CASP6: variants seen among roughly 807,000 people sequenced by gnomAD.
CASP6 encodes caspase 6, also known as caspase-6.
A neutral mutation model predicts 31.8 loss-of-function variants in CASP6; 20 were observed. That is an observed-to-expected ratio of 0.63 (90% confidence interval 0.44 to 0.91). The LOEUF (loss-of-function observed/expected upper bound fraction) is 0.91, where lower values mean the gene tolerates loss of function less well. CASP6 is among the 40% of genes least tolerant of loss of function. The probability of loss-of-function intolerance (pLI) is 0.00; values close to 1 mark genes in which losing one functional copy is unlikely to be tolerated. For missense variants in CASP6, 328 were observed against 361.1 expected (o/e 0.91, Z 0.74); for synonymous variants, 130 against 127.8 (o/e 1.02, Z -0.12).
upstream of CASP6, among the ~76,000 whole-genome samples, chr4:109,704,349 A>G (rs1296997707): frequency 1.3e-5 from 2 of 152,260 alleles, no homozygotes; most frequent in Non-Finnish European, 2.9e-5. Context: ...AAAAATTTTG[A>G]AGGAAATTAA....
At chr4:109,678,010 G>A in the CASP6 span, among the ~76,000 whole-genome samples, 1 of 151,634 alleles carries the variant, frequency 6.6e-6, no homozygotes, top group African/African-American at 2.4e-5. Flanking sequence ...TTAGGGAGTG[G>A]TGATGACTCT....
At position 109,688,718 on chromosome 4, in the gene CASP6, G is replaced by T. The variant is rs973037356; in HGVS notation, c.*612C>A. 1 of 152,064 alleles carries T rather than the reference G, an allele frequency of 6.6e-6. No individual in the cohort carries two copies. Among genetic ancestry groups the T allele is most frequent in the African/African-American group, 2.4e-5 (1 of 41,406 alleles). The allele number at this position is 152,064 out of a possible 1,614,324, so 9.4% of individuals were successfully genotyped here. A position where few individuals can be genotyped will look rare whatever the true frequency, so the allele number is the denominator to read the frequency against. On this transcript the variant is annotated 3_prime_UTR_variant, in exon 7 of 7. Transcript: ENST00000265164. Reference sequence around the variant, plus strand: ...AAACAATAAACTTTTATAAAAAAGTGACAAAATACAAGTTAAATCAGCTAG... The same window carrying T: ...AAACAATAAACTTTTATAAAAAAGTTACAAAATACAAGTTAAATCAGCTAG...
At chr4:109,681,292 C>T in the CASP6 span, 6 of 276,816 alleles carry the variant, frequency 2.2e-5, no homozygotes, top group African/African-American at 1.1e-4. Flanking sequence ...TCTCTGGGGT[C>T]AGCAAATTGT....
intron 1 of CASP6, among the ~76,000 whole-genome samples, chr4:109,699,407 C>CA (rs111848498): frequency 5.5e-4 from 84 of 151,792 alleles, no homozygotes; most frequent in African/African-American, 1.6e-3. Flanking sequence ...CACTTCTCCT[C>CA]AAAAAAAATA....
At chr4:109,696,729 C>CA (rs1482902684) in intron 3 of CASP6, among the ~76,000 whole-genome samples, 4 of 150,256 alleles carry the variant, frequency 2.7e-5, no homozygotes, top group Non-Finnish European at 5.9e-5. Context: ...AGTACAAATG[C>CA]AAAAGCCTGT....
At chr4:109,670,444 G>A in the CASP6 span, among the ~76,000 whole-genome samples, 4 of 152,148 alleles carry the variant, frequency 2.6e-5, no homozygotes, top group African/African-American at 9.7e-5. Context: ...TTGGCCAGGC[G>A]CAGTGGTTCA....
intron 2 of CASP6, among the ~76,000 whole-genome samples, 156 bp downstream of exon 2, chr4:109,698,144 C>A (rs1020348013): frequency 1.3e-5 from 2 of 152,186 alleles, no homozygotes; most frequent in African/African-American, 4.8e-5. Context: ...AGGGGCAGCA[C>A]AACCTGCCTA....
the CASP6 span, among the ~76,000 whole-genome samples, chr4:109,668,097 G>A: frequency 6.6e-6 from 1 of 152,174 alleles, no homozygotes; most frequent in East Asian, 1.9e-4. Context: ...GTGAACTTGA[G>A]AATGTGTATT....
At chr4:109,669,387 T>C in the CASP6 span, among the ~76,000 whole-genome samples, 57 of 151,590 alleles carry the variant, frequency 3.8e-4, no homozygotes, top group East Asian at 0.01. Context: ...GTTTAATTTC[T>C]TTTTTTTTCT....
Position 109,690,236 on chromosome 4 carries a change from T to TA in CASP6, c.643+613dup, listed in dbSNP as rs751729227. On this transcript the variant is annotated intron_variant, in intron 6 of 6. Coordinates refer to ENST00000265164, the MANE Select transcript of CASP6 (RefSeq NM_001226.4). ...ACGTCTGGGCAACAGAGTGAGACTA[T>TA]AAAAAAAAAAAACGCACGCACGCAC... Among the ~76,000 whole-genome samples the TA allele has an allele frequency of 2.1e-3, 97 of 46,354 alleles. 1 individual carries two copies. Among genetic ancestry groups the TA allele is most frequent in the South Asian group, 0.011 (13 of 1,166 alleles). 30.4% of individuals were successfully genotyped at this position (46,354 alleles called of 152,430 possible).
In CASP6 at chr4:109,703,359, C is replaced by T; in HGVS notation, c.37G>A (p.Ala13Thr). Residue 13 changes from alanine to threonine, a missense_variant, in exon 1 of 7, where the codon GCA (alanine) becomes ACA (threonine). Transcript: ENST00000265164. ...CCAGTCGACGCCCCCTGCCTACCTG[C>T]CGGGTGCCCCCTGCGGAGCCCCGAG... ...SASGLRRGHP[A>T]GGEENMTETD... is the part of the protein sequence containing the mutation. The T allele has an allele frequency of 1.9e-6, 3 of 1,610,212 alleles. No individual in the cohort carries two copies. Among genetic ancestry groups the T allele is most frequent in the Non-Finnish European group, 2.5e-6 (3 of 1,178,640 alleles).
Position 109,689,249 on chromosome 4 carries a change from G to A in CASP6, c.*81C>T, listed in dbSNP as rs972040586. On this transcript the variant is annotated 3_prime_UTR_variant, in exon 7 of 7. Transcript: ENST00000265164. ...GCCCACCTTGGACTCCCAAAGTGCTGGGATTACAGGTGTGAGTAACCACGC... is the reference window on the plus strand; with the variant it reads ...GCCCACCTTGGACTCCCAAAGTGCTAGGATTACAGGTGTGAGTAACCACGC... 3 of 1,335,564 alleles carry A rather than the reference G, an allele frequency of 2.2e-6. No homozygotes were observed. Among genetic ancestry groups the A allele is most frequent in the Admixed American group, 1.8e-5 (1 of 55,878 alleles). 82.7% of individuals were successfully genotyped at this position (1,335,564 alleles called of 1,614,324 possible).
At chr4:109,706,129 TTTTATATATATATATATATATA>T (rs748451649), upstream of CASP6, among the ~76,000 whole-genome samples, 34 of 56,086 alleles carry the variant, frequency 6.1e-4, no homozygotes, top group Middle Eastern at 0.01. Context: ...TACCTATCCA[TTTTATATATATATATATATATA>T]TATATATATA....
chr4:109,697,505 G>A, intron 3 of CASP6, 117 bp downstream of exon 3: 1 of 1,161,366 alleles, frequency 8.6e-7, no homozygotes, highest in East Asian at 2.6e-5. Flanking sequence ...TGCCTTAAGT[G>A]ATCCTCCCAC....
At chr4:109,695,614 G>A (rs1449592211) in intron 4 of CASP6, among the ~76,000 whole-genome samples, 1 of 151,956 alleles carries the variant, frequency 6.6e-6, no homozygotes, top group Non-Finnish European at 1.5e-5. Context: ...AAATTAGCTG[G>A]GCATGGGGGC....
upstream of CASP6, among the ~76,000 whole-genome samples, chr4:109,708,098 C>T (rs1003418340): frequency 6.6e-6 from 1 of 152,132 alleles, no homozygotes; most frequent in African/African-American, 2.4e-5. Flanking sequence ...AGGAACTCAT[C>T]TCATACTATT....
rs750332671 is a variant in CASP6 at position 109,689,434 on chromosome 4, G to A, written c.778C>T (p.Arg260Ter). The change falls in exon 7 of 7, where the codon CGA (arginine) becomes TGA (stop). Residue 260 changes from arginine (R) to a stop codon, truncating the protein, a stop_gained. Coordinates refer to ENST00000265164, the MANE Select transcript of CASP6 (RefSeq NM_001226.4). LOFTEE classifies it high-confidence loss of function. ...TLVNRKVSQR[R>*]VDFCKDPSAI... is the part of the protein sequence containing the mutation. ...CTTGGGTCTTTGCAAAAGTCCACTC[G>A]GCGCTGAGAAACTTTCCTGTTCACC... The A allele has an allele frequency of 1.2e-4, 190 of 1,614,066 alleles. No individual in the cohort carries two copies. The highest frequency in any genetic ancestry group is 1.6e-4 in the Middle Eastern group (1 of 6,084).
At chr4:109,702,324 TTC>T (rs1433823300) in intron 1 of CASP6, among the ~76,000 whole-genome samples, 2 of 142,436 alleles carry the variant, frequency 1.4e-5, no homozygotes, top group African/African-American at 5.3e-5. Context: ...AGGCGTTTCG[TTC>T]TTTTTTTTTT....
chr4:109,703,517 A>G, upstream of CASP6: 3 of 1,300,776 alleles, frequency 2.3e-6, no homozygotes, highest in African/African-American at 1.5e-5. Flanking sequence ...GCGTGGGGCC[A>G]GTTGGTTCTG....
Sources: gnomAD v4.1 joint callset for allele counts (sites outside exome capture counted in the v4.1 genomes callset) on GRCh38, gnomAD v4.1.1 for gene constraint, MANE v1.5 for transcripts, NCBI Gene and HGNC (gene_info 2026-07-23, HGNC 2026-07-21) for gene names.